Variants in ENTREP1 observed in about 807,000 individuals in gnomAD.
ENTREP1 encodes the protein endosomal transmembrane epsin interactor 1, also known as Friedreich ataxia region gene X123.
the ENTREP1 span, among the ~76,000 whole-genome samples, chr9:69,352,209 C>T: frequency 3.9e-5 from 6 of 152,082 alleles, no homozygotes; most frequent in Non-Finnish European, 7.4e-5. Context: ...CTCTCCACCT[C>T]CCAGGTTCAA....
At chr9:69,336,241 C>A in the ENTREP1 span, 6 of 1,589,976 alleles carry the variant, frequency 3.8e-6, no homozygotes, top group Admixed American at 1.7e-5. Flanking sequence ...ATAGGATTAA[C>A]AACTTGGAAA....
chr9:69,325,470 C>T, the ENTREP1 span: 1 of 933,792 alleles, frequency 1.1e-6, no homozygotes, highest in Non-Finnish European at 1.3e-6. Flanking sequence ...CAGCCCCCGT[C>T]GCGGCCTCGC....
chr9:69,331,317 A>G, the ENTREP1 span, among the ~76,000 whole-genome samples: 4 of 152,254 alleles, frequency 2.6e-5, no homozygotes, highest in African/African-American at 2.4e-5. Context: ...GAAATAGGGC[A>G]GTAGAATTAT....
At chr9:69,368,745 G>A in the ENTREP1 span, among the ~76,000 whole-genome samples, 1 of 152,088 alleles carries the variant, frequency 6.6e-6, no homozygotes, top group African/African-American at 2.4e-5. Context: ...TTATAAGTTT[G>A]GTAGAATTTG....
the ENTREP1 span, among the ~76,000 whole-genome samples, chr9:69,338,108 T>C: frequency 6.6e-6 from 1 of 152,232 alleles, no homozygotes; most frequent in African/African-American, 2.4e-5. Flanking sequence ...TCAATGATTG[T>C]ATTTCATGAA....
At chr9:69,325,731 C>CCG in the ENTREP1 span, 3 of 1,226,638 alleles carry the variant, frequency 2.4e-6, no homozygotes, top group Non-Finnish European at 3.0e-6. Flanking sequence ...TCGGTGAGTA[C>CCG]CGCGCGCGCG....
the ENTREP1 span, among the ~76,000 whole-genome samples, chr9:69,344,573 G>A: frequency 6.6e-6 from 1 of 152,274 alleles, no homozygotes; most frequent in Admixed American, 6.5e-5. Context: ...TGTGTGTCTT[G>A]GTGAGCAGTG....
At chr9:69,385,380 A>G in the ENTREP1 span, among the ~76,000 whole-genome samples, 1 of 152,146 alleles carries the variant, frequency 6.6e-6, no homozygotes, top group Non-Finnish European at 1.5e-5. Context: ...TGCAGCCCAC[A>G]GAGCAGCCAC....
At chr9:69,340,725 G>GCA in the ENTREP1 span, among the ~76,000 whole-genome samples, 9 of 71,732 alleles carry the variant, frequency 1.3e-4, no homozygotes, top group South Asian at 6.0e-4. Flanking sequence ...GTGCATGCAT[G>GCA]TGTGTGTGTA....
At chr9:69,383,803 G>A in the ENTREP1 span, 1 of 1,612,380 alleles carries the variant, frequency 6.2e-7, no homozygotes, top group Non-Finnish European at 8.5e-7. Context: ...GACTGCAAGT[G>A]GGAAAGACAG....
the ENTREP1 span, among the ~76,000 whole-genome samples, chr9:69,390,298 A>G: frequency 6.6e-6 from 1 of 152,224 alleles, no homozygotes; most frequent in African/African-American, 2.4e-5. Flanking sequence ...AGTCATCCAA[A>G]TGATTGTGCT....
the ENTREP1 span, chr9:69,336,195 G>C: frequency 1.4e-6 from 2 of 1,411,628 alleles, no homozygotes; most frequent in African/African-American, 1.4e-5. Context: ...CTATATTTAT[G>C]ATAGTTTATC....
At chr9:69,340,666 C>CGCAT in the ENTREP1 span, among the ~76,000 whole-genome samples, 1 of 108,650 alleles carries the variant, frequency 9.2e-6, no homozygotes, top group African/African-American at 3.8e-5. Context: ...TGTGTGTGTG[C>CGCAT]GTGTGTGTGT....
the ENTREP1 span, among the ~76,000 whole-genome samples, chr9:69,330,900 A>C: frequency 6.6e-6 from 1 of 152,188 alleles, no homozygotes; most frequent in African/African-American, 2.4e-5. Flanking sequence ...CAGACCTGGA[A>C]TACACGGGAA....
the ENTREP1 span, among the ~76,000 whole-genome samples, chr9:69,354,149 AT>A: frequency 4.0e-5 from 6 of 151,402 alleles, no homozygotes; most frequent in Non-Finnish European, 7.4e-5. Flanking sequence ...TATTTTTTTT[AT>A]AATTGGTTTG....
the ENTREP1 span, among the ~76,000 whole-genome samples, chr9:69,348,603 C>T: frequency 1.3e-5 from 2 of 152,212 alleles, no homozygotes; most frequent in African/African-American, 4.8e-5. Flanking sequence ...CTCCTGATTT[C>T]CTCTCAATAC....
chr9:69,349,725 C>T, the ENTREP1 span, among the ~76,000 whole-genome samples: 3 of 152,106 alleles, frequency 2.0e-5, no homozygotes, highest in African/African-American at 4.8e-5. Flanking sequence ...ATTTAACGCA[C>T]CTCGAGCATC....
the ENTREP1 span, chr9:69,383,444 A>C: frequency 3.4e-6 from 5 of 1,467,532 alleles, no homozygotes; most frequent in Non-Finnish European, 4.5e-6. Context: ...CATTTGCTTA[A>C]GGAACTCTGG....
chr9:69,368,050 T>A, the ENTREP1 span, among the ~76,000 whole-genome samples: 3 of 48,058 alleles, frequency 6.2e-5, no homozygotes, highest in Non-Finnish European at 1.3e-4. Flanking sequence ...TGATTTTGTA[T>A]CCTGAGACTA....
Sources: allele counts gnomAD v4.1 joint callset (sites outside exome capture counted in the v4.1 genomes callset), GRCh38; gene constraint gnomAD v4.1.1; transcripts MANE v1.5; gene names NCBI Gene and HGNC (gene_info 2026-07-23, HGNC 2026-07-21).